C8orf88: variants seen among roughly 807,000 people sequenced by gnomAD.
C8orf88 encodes the protein uncharacterized protein C8orf88.
In C8orf88, 14 loss-of-function variants were observed where a neutral mutation model predicts 18.4. That is an observed-to-expected ratio of 0.76 (90% confidence interval 0.50 to 1.19). C8orf88 has a LOEUF of 1.19. Ranked by LOEUF, C8orf88 falls within the 50% of genes most tolerant of loss-of-function variation. The pLI is 0.00. For synonymous variants in C8orf88, 45 were observed against 42.9 expected (o/e 1.05, Z -0.19); for missense variants, 116 against 134.7 (o/e 0.86, Z 0.69).
chr8:90,959,775 G>A (rs993214644), intron 5 of C8orf88, among the ~76,000 whole-genome samples: 1 of 151,308 alleles, frequency 6.6e-6, no homozygotes, highest in Non-Finnish European at 1.5e-5. Flanking sequence ...ACTGTTCTCA[G>A]TATACCTATA....
intron 3 of C8orf88, among the ~76,000 whole-genome samples, chr8:90,971,647 A>G (rs1256187461): frequency 1.4e-4 from 22 of 152,204 alleles, no homozygotes; most frequent in Non-Finnish European, 3.1e-4. Context: ...GAGGAAGAAA[A>G]TCAGAAACAT....
At chr8:90,971,385 G>A (rs1397862243) in intron 3 of C8orf88, among the ~76,000 whole-genome samples, 1 of 151,844 alleles carries the variant, frequency 6.6e-6, no homozygotes, top group Non-Finnish European at 1.5e-5. Flanking sequence ...TAAAACTAAA[G>A]ATGAATTTTA....
At chr8:90,975,093 T>G (rs954691279) in intron 3 of C8orf88, among the ~76,000 whole-genome samples, 1 of 152,208 alleles carries the variant, frequency 6.6e-6, no homozygotes, top group Non-Finnish European at 1.5e-5. Flanking sequence ...GGATATGTCA[T>G]GTTAATAGAT....
At chr8:90,977,679 C>A (rs1004906611) in intron 3 of C8orf88, among the ~76,000 whole-genome samples, 2 of 152,056 alleles carry the variant, frequency 1.3e-5, no homozygotes, top group Non-Finnish European at 2.9e-5. Context: ...CAGTGGCTCA[C>A]GCCTGTAATC....
chr8:90,971,199 AGTTT>A, intron 3 of C8orf88, 58 bp from the exon 4 acceptor site: 2 of 939,106 alleles, frequency 2.1e-6, no homozygotes, highest in Admixed American at 3.1e-5. Flanking sequence ...TTATATAATT[AGTTT>A]AACTACCCAA....
In C8orf88 at chr8:90,980,406, C is replaced by T. The variant is rs747605609; in HGVS notation, c.30G>A (p.Pro10=). The change falls in exon 2 of 6, where the codon CCG becomes CCA. Residue 10 remains proline, a synonymous_variant. Coordinates refer to ENST00000517562, the MANE Select transcript of C8orf88 (RefSeq NM_001190972.2). The stretch of plus-strand genomic sequence containing the variant: ...GACGAACAGGTCTTGCTGGTTGAAG[C>T]GGTTTACCAATTAATTTTTTGGTTT... METKKLIGK[P]LQPARPVRHL... 22 of 1,532,904 alleles carry T rather than the reference C, an allele frequency of 1.4e-5. No homozygotes were observed. Among genetic ancestry groups the T allele is most frequent in the South Asian group, 2.4e-5 (2 of 83,438 alleles). 95.0% of individuals were successfully genotyped at this position (1,532,904 alleles called of 1,614,324 possible).
intron 4 of C8orf88, among the ~76,000 whole-genome samples, chr8:90,964,774 T>C (rs900873917): frequency 2.0e-5 from 3 of 151,582 alleles, no homozygotes; most frequent in Non-Finnish European, 3.0e-5. Flanking sequence ...TAGAAATATA[T>C]ATAGGAGCAA....
chr8:90,978,797 C>A, intron 2 of C8orf88, 145 bp from the exon 3 acceptor site: 1 of 494,156 alleles, frequency 2.0e-6, no homozygotes. Flanking sequence ...TTCATCCAAC[C>A]TTATGAAATG....
intron 2 of C8orf88, among the ~76,000 whole-genome samples, chr8:90,978,984 A>C (rs1586166018): frequency 6.6e-6 from 1 of 152,342 alleles, no homozygotes; most frequent in East Asian, 1.9e-4. Context: ...GGTTTGGGGT[A>C]TCACATAGGT....
chr8:90,962,742 C>G (rs187557871), intron 4 of C8orf88, among the ~76,000 whole-genome samples: 302 of 151,610 alleles, frequency 2.0e-3, no homozygotes, highest in Non-Finnish European at 3.3e-3. Context: ...TCTTGAGAAG[C>G]TTGCCTGTAC....
Position 90,965,365 on chromosome 8 carries a change from GA to G in C8orf88, c.224-4518del, listed in dbSNP as rs1458894068. 3.3e-5 allele frequency among the ~76,000 whole-genome samples: 5 copies of G among 151,658 alleles called. No individual in the cohort carries two copies. In the East Asian group the frequency reaches 5.8e-4, roughly 18 times the overall value. ...GCACATATATACCCAACAACAGAAA[GA>G]AAAACACAGAATTAAGCACAGAAAT... On this transcript the variant is annotated intron_variant, in intron 4 of 5. Coordinates refer to ENST00000517562, the MANE Select transcript of C8orf88 (RefSeq NM_001190972.2).
At chr8:90,966,948 A>C (rs1811208449) in intron 4 of C8orf88, among the ~76,000 whole-genome samples, 1 of 151,956 alleles carries the variant, frequency 6.6e-6, no homozygotes, top group Non-Finnish European at 1.5e-5. Context: ...CTCATAGGTC[A>C]AACCATCCTA....
At chr8:90,970,292 T>C (rs1176909095) in intron 4 of C8orf88, among the ~76,000 whole-genome samples, 1 of 151,898 alleles carries the variant, frequency 6.6e-6, no homozygotes, top group African/African-American at 2.4e-5. Context: ...AATGTCAATA[T>C]AAAGTTTTCA....
rs913496594 is a variant in C8orf88, at chr8:90,971,076, T to C, written c.213A>G (p.Pro71=). 6 of 1,513,568 alleles carry C rather than the reference T, an allele frequency of 4.0e-6. No individual in the cohort carries two copies. The highest frequency in any genetic ancestry group is 5.3e-6 in the Non-Finnish European group (6 of 1,134,192). 93.8% of individuals were successfully genotyped at this position (1,513,568 alleles called of 1,614,324 possible). A position where few individuals can be genotyped will look rare whatever the true frequency, so the allele number is the denominator to read the frequency against. ...GLNEQQQQQS[P]VKKERIKYSR... is the part of the protein sequence containing the mutation. The stretch of plus-strand genomic sequence containing the variant: ...ATGATAAAATTTTACCTTTCTTAAC[T>C]GGAGACTGCTGTTGCTGTTGCTCAT... The change falls in exon 4 of 6, where the codon CCA becomes CCG. Residue 71 remains proline, a synonymous_variant. Coordinates refer to ENST00000517562, the MANE Select transcript of C8orf88 (RefSeq NM_001190972.2).
At chr8:90,973,101 A>G (rs1348509904) in intron 3 of C8orf88, among the ~76,000 whole-genome samples, 1 of 152,138 alleles carries the variant, frequency 6.6e-6, no homozygotes, top group East Asian at 1.9e-4. Flanking sequence ...AAAAGGCAGA[A>G]AAATAAAAGA....
At chr8:90,985,305 G>T (rs1327044271), upstream of C8orf88, 4 of 150,464 alleles carry the variant, frequency 2.7e-5, no homozygotes, top group African/African-American at 9.7e-5. Context: ...GGCTCCGAGG[G>T]GCACGAGGCG....
In C8orf88 at chr8:90,960,868, A is replaced by G. The variant is rs549127807; in HGVS notation, c.224-20T>C. The stretch of plus-strand genomic sequence containing the variant: ...TTCTCTCTGTAGATATTAAACATCA[A>G]ATATAATGTTAGGAAATGTAGGGCT... On this transcript the variant is annotated intron_variant, in intron 4 of 5. Coordinates refer to ENST00000517562, the MANE Select transcript of C8orf88 (RefSeq NM_001190972.2). The G allele has an allele frequency of 2.1e-6, 3 of 1,399,716 alleles. No individual in the cohort carries two copies. Among genetic ancestry groups the G allele is most frequent in the Non-Finnish European group, 2.9e-6 (3 of 1,024,098 alleles). The allele number at this position is 1,399,716 out of a possible 1,614,324, so 86.7% of individuals were successfully genotyped here. A position where few individuals can be genotyped will look rare whatever the true frequency, so the allele number is the denominator to read the frequency against.
intron 1 of C8orf88, among the ~76,000 whole-genome samples, chr8:90,984,056 C>T (rs1013163653): frequency 4.6e-5 from 7 of 152,154 alleles, no homozygotes; most frequent in African/African-American, 1.7e-4. Flanking sequence ...ACATGGTATA[C>T]TGCCATACTA....
chr8:90,980,862 T>C (rs1296081029), intron 1 of C8orf88, among the ~76,000 whole-genome samples: 1 of 152,102 alleles, frequency 6.6e-6, no homozygotes, highest in African/African-American at 2.4e-5. Flanking sequence ...CCAGCTAATA[T>C]ATTTTTTTTA....
Sources: allele counts gnomAD v4.1 joint callset (sites outside exome capture counted in the v4.1 genomes callset), GRCh38; gene constraint gnomAD v4.1.1; transcripts MANE v1.5; gene names NCBI Gene and HGNC (gene_info 2026-07-23, HGNC 2026-07-21).